DTNA: variants seen among roughly 807,000 people sequenced by gnomAD.
DTNA encodes dystrophin-related protein 3.
Under a neutral mutation model 100.7 loss-of-function variants are expected in DTNA, and 43 were observed. The observed-to-expected ratio is 0.43, with a 90% CI of 0.33 to 0.55. The LOEUF (loss-of-function observed/expected upper bound fraction) is 0.55. Ranked by LOEUF, DTNA falls within the 20% of genes least tolerant of loss-of-function variation. The pLI, the probability that DTNA is intolerant of heterozygous loss-of-function variation, is 0.04. For missense variants in DTNA, 798 were observed against 953.9 expected (o/e 0.84, Z 2.15); for synonymous variants, 349 against 347.9 (o/e 1.00, Z -0.04).
intron 3 of DTNA, among the ~76,000 whole-genome samples, chr18:34,775,417 C>T (rs922994779): frequency 1.3e-5 from 2 of 151,874 alleles, no homozygotes; most frequent in African/African-American, 4.8e-5. Flanking sequence ...ACCTGGGATG[C>T]GGAGCTTGCA....
intron 4 of DTNA, among the ~76,000 whole-genome samples, chr18:34,803,525 G>A (rs1261506750): frequency 5.9e-5 from 9 of 151,828 alleles, no homozygotes; most frequent in African/African-American, 1.2e-4. Context: ...TTATTCTCTC[G>A]GATTCATTGA....
At chr18:34,866,039 C>G in intron 17 of DTNA, 2 of 1,562,020 alleles carry the variant, frequency 1.3e-6, no homozygotes, top group Non-Finnish European at 1.8e-6. Flanking sequence ...ATCTTGCGTT[C>G]CTTCACACTG....
intron 1 of DTNA, among the ~76,000 whole-genome samples, chr18:34,681,720 ACACACACACACCC>A (rs1422463372): frequency 6.6e-6 from 1 of 150,996 alleles, no homozygotes; most frequent in Non-Finnish European, 1.5e-5. Context: ...ACACACACAC[ACACACACACACCC>A]CACACACACA....
intron 16 of DTNA, among the ~76,000 whole-genome samples, chr18:34,860,220 G>GTATTTT (rs749839630): frequency 1.2e-4 from 10 of 80,280 alleles, no homozygotes; most frequent in Admixed American, 1.5e-4. Context: ...CTAATTTTTT[G>GTATTTT]TTTTTTTTTT....
At chr18:34,790,567 A>ATATATATTTTTTTTTTTTTTT (rs2094687460) in intron 3 of DTNA, among the ~76,000 whole-genome samples, 1 of 39,660 alleles carries the variant, frequency 2.5e-5, no homozygotes, top group African/African-American at 9.1e-5. Flanking sequence ...ATATATATAT[A>ATATATATTTTTTTTTTTTTTT]TTTTTTTTTT....
chr18:34,747,088 A>G (rs1450532467), intron 1 of DTNA, among the ~76,000 whole-genome samples: 8 of 118,318 alleles, frequency 6.8e-5, no homozygotes, highest in Admixed American at 2.0e-4. Flanking sequence ...ACCCATATCT[A>G]TATCTATATC....
At chr18:34,657,643 C>G (rs1179864494) in intron 1 of DTNA, among the ~76,000 whole-genome samples, 2 of 152,132 alleles carry the variant, frequency 1.3e-5, no homozygotes, top group Non-Finnish European at 2.9e-5. Context: ...TCATACATCA[C>G]TCTCCATTTA....
chr18:34,802,936 C>A (rs994567627), intron 4 of DTNA, among the ~76,000 whole-genome samples: 1 of 152,046 alleles, frequency 6.6e-6, no homozygotes, highest in African/African-American at 2.4e-5. Context: ...AAATTGGACA[C>A]CCTCCTCTTC....
At chr18:34,530,958 T>C (rs916508975) in intron 1 of DTNA, among the ~76,000 whole-genome samples, 21 of 152,134 alleles carry the variant, frequency 1.4e-4, no homozygotes, top group Non-Finnish European at 2.8e-4. Context: ...CTCCACCCAG[T>C]TACAAGCTAC....
At chr18:34,550,547 C>T (rs991511803) in intron 1 of DTNA, among the ~76,000 whole-genome samples, 11 of 152,114 alleles carry the variant, frequency 7.2e-5, no homozygotes, top group Non-Finnish European at 1.6e-4. Flanking sequence ...TAGTTAAATT[C>T]TTAGATGCCT....
At chr18:34,619,129 G>T (rs1054686857) in intron 1 of DTNA, among the ~76,000 whole-genome samples, 6 of 152,114 alleles carry the variant, frequency 3.9e-5, no homozygotes, top group African/African-American at 1.4e-4. Flanking sequence ...TATTGGAGGG[G>T]CAAGAGTATG....
At chr18:34,659,420 T>G (rs2144422727) in intron 1 of DTNA, among the ~76,000 whole-genome samples, 1 of 152,282 alleles carries the variant, frequency 6.6e-6, no homozygotes, top group Middle Eastern at 3.4e-3. Flanking sequence ...GCTAGCCGCA[T>G]TTCAACTGCT....
chr18:34,742,629 T>TTCTATTATCTATCTAGATAGATATATAA (rs2090880128), intron 1 of DTNA, among the ~76,000 whole-genome samples: 2 of 137,690 alleles, frequency 1.5e-5, no homozygotes, highest in South Asian at 2.5e-4. Flanking sequence ...TCTGATTATC[T>TTCTATTATCTATCTAGATAGATATATAA]TCTATTATCT....
At chr18:34,818,499 T>C (rs1236883230) in intron 8 of DTNA, 169 bp downstream of exon 8, 1 of 1,510,154 alleles carries the variant, frequency 6.6e-7, no homozygotes, top group Non-Finnish European at 8.8e-7. Flanking sequence ...TGCTCTTACT[T>C]ATTCTGTTGG....
chr18:34,646,340 T>G (rs1040785308), intron 1 of DTNA, among the ~76,000 whole-genome samples: 1 of 152,204 alleles, frequency 6.6e-6, no homozygotes, highest in Non-Finnish European at 1.5e-5. Context: ...AGTTTTAAAA[T>G]TAGGACGATA....
At chr18:34,779,116 A>G (rs538096564) in intron 3 of DTNA, among the ~76,000 whole-genome samples, 59 of 152,348 alleles carry the variant, frequency 3.9e-4, no homozygotes, top group African/African-American at 1.3e-3. Context: ...AACAGTAAAC[A>G]AAACAGAAAA....
chr18:34,749,905 T>C (rs918472644), intron 1 of DTNA, among the ~76,000 whole-genome samples: 1 of 152,120 alleles, frequency 6.6e-6, no homozygotes, highest in African/African-American at 2.4e-5. Flanking sequence ...AATGTAAATC[T>C]AAGAAAGTAA....
chr18:34,753,366 ATTTTTTT>A lies in DTNA; in HGVS notation c.-1-2600_-1-2594del, dbSNP rs757853063. ...ATTTATTTATTTATTTATTTATTTT[ATTTTTTT>A]TTTTTTTTTATTTTTTATTTTTTTT... is the stretch of plus-strand genomic sequence containing the variant. On this transcript the variant is annotated intron_variant, in intron 1 of 22. Transcript: ENST00000444659. Among the ~76,000 whole-genome samples the A allele has an allele frequency of 8.5e-3, 1,123 of 132,628 alleles. 17 individuals carry two copies. Among genetic ancestry groups the A allele is most frequent in the Non-Finnish European group, 0.014 (881 of 64,872 alleles). 87.0% of individuals were successfully genotyped at this position (132,628 alleles called of 152,430 possible).
chr18:34,813,802 A>T (rs1028456400), intron 6 of DTNA, among the ~76,000 whole-genome samples: 2 of 149,626 alleles, frequency 1.3e-5, no homozygotes, highest in African/African-American at 5.0e-5. Context: ...AGATTGTGCC[A>T]CTGCACTCCA....
Sources: gnomAD v4.1 joint callset for allele counts (sites outside exome capture counted in the v4.1 genomes callset) on GRCh38, gnomAD v4.1.1 for gene constraint, MANE v1.5 for transcripts, NCBI Gene and HGNC (gene_info 2026-07-23, HGNC 2026-07-21) for gene names.